Variants in RBM19 observed in about 807,000 individuals in gnomAD.
RBM19 encodes the protein RNA binding motif protein 19, also known as probable RNA-binding protein 19.
A neutral mutation model predicts 116.8 loss-of-function variants in RBM19; 94 were observed. That is an observed-to-expected ratio of 0.80 (90% CI 0.68 to 0.95). The LOEUF (loss-of-function observed/expected upper bound fraction) is 0.95. RBM19 is among the 40% of genes least tolerant of loss of function. The probability of loss-of-function intolerance (pLI) is 0.00; values close to 1 mark genes in which losing one functional copy is unlikely to be tolerated. For missense variants in RBM19, 1,161 were observed against 1,220.7 expected, an observed-to-expected ratio of 0.95 and a Z score of 0.73; for synonymous variants, 475 against 494.1, an observed-to-expected ratio of 0.96 and a Z score of 0.51.
At position 113,928,417 on chromosome 12, in the gene RBM19, T is replaced by TACACACACACACACAC. The variant is rs3066401; in HGVS notation, c.2069-1204_2069-1189dup. Among the ~76,000 whole-genome samples the TACACACACACACACAC allele has an allele frequency of 1.3e-3, 172 of 136,334 alleles. 1 individual carries two copies. Among genetic ancestry groups the TACACACACACACACAC allele is most frequent in the South Asian group, 2.2e-3 (8 of 3,718 alleles). 89.4% of individuals were successfully genotyped at this position (136,334 alleles called of 152,430 possible). ...ATTTATGAGAAAACATACATGTGCA[T>TACACACACACACACAC]ACACACACACACACACACACACACA... On this transcript the variant is annotated intron_variant, in intron 16 of 23. Transcript: ENST00000261741.
rs576641850 is a variant in RBM19, at chr12:113,880,281, C to T, written c.2559-21385G>A. On this transcript the variant is annotated intron_variant, in intron 21 of 23. Coordinates refer to ENST00000261741, the MANE Select transcript of RBM19 (RefSeq NM_016196.4). ...CCTGTCGTTTTATTTGCTCTGATAC[C>T]CCCTGAAGTGACAGATTCTGTTTGC... Among the ~76,000 whole-genome samples, 14 of 152,054 alleles carry T rather than the reference C, an allele frequency of 9.2e-5. No homozygotes were observed. The South Asian group carries it at 2.5e-3, about 27-fold the overall frequency.
intron 11 of RBM19, 39 bp downstream of exon 11, chr12:113,947,294 AG>A (rs1170468559): frequency 1.3e-6 from 2 of 1,541,426 alleles, no homozygotes; most frequent in African/African-American, 2.7e-5. Context: ...CGACCATGTG[AG>A]CCCCACAGCC....
intron 8 of RBM19, among the ~76,000 whole-genome samples, chr12:113,951,457 C>A (rs1003373121): frequency 6.6e-6 from 1 of 152,174 alleles, no homozygotes; most frequent in Non-Finnish European, 1.5e-5. Context: ...AACAGGGGCT[C>A]AGCACTGCTC....
chr12:113,933,301 C>A (rs758210801), intron 16 of RBM19, among the ~76,000 whole-genome samples: 1 of 107,740 alleles, frequency 9.3e-6, no homozygotes, highest in Admixed American at 1.2e-4. Context: ...CCTCGTACAA[C>A]GGGGGAGTCG....
At chr12:113,852,955 G>A in intron 22 of RBM19, among the ~76,000 whole-genome samples, 1 of 152,250 alleles carries the variant, frequency 6.6e-6, no homozygotes, top group East Asian at 1.9e-4. Context: ...ACTGTGCTGG[G>A]TGCGCTGGGC....
Position 113,966,314 on chromosome 12 carries a change from C to A in RBM19, c.-87G>T. 6.4e-7 allele frequency: 1 copy of A among 1,550,532 alleles called. No individual in the cohort carries two copies. Among genetic ancestry groups the A allele is most frequent in the South Asian group, 1.1e-5 (1 of 89,588 alleles). ...ACGCTACCGCCCTGGGCGCCGCCAT[C>A]TTTACCGAGCCGGAACACAGTCACG... is the stretch of plus-strand genomic sequence containing the variant. On this transcript the variant is annotated 5_prime_UTR_variant, in exon 1 of 24. Coordinates refer to ENST00000261741, the MANE Select transcript of RBM19 (RefSeq NM_016196.4).
At chr12:113,818,854 T>C (rs183739368), downstream of RBM19, among the ~76,000 whole-genome samples, 130 of 152,234 alleles carry the variant, frequency 8.5e-4, 3 homozygotes, top group African/African-American at 3.0e-3. Context: ...CCCTGTCTGT[T>C]CTCCAGGACC....
At chr12:113,900,274 T>A (rs1881604466) in intron 21 of RBM19, among the ~76,000 whole-genome samples, 4 of 152,216 alleles carry the variant, frequency 2.6e-5, no homozygotes, top group Admixed American at 6.5e-5. Flanking sequence ...TTGGGATTGC[T>A]CGACCAGTTA....
chr12:113,831,778 C>G (rs774230299), intron 23 of RBM19, among the ~76,000 whole-genome samples: 1 of 152,152 alleles, frequency 6.6e-6, no homozygotes, highest in Non-Finnish European at 1.5e-5. Flanking sequence ...GGGATATTGC[C>G]GAAGCACTTG....
At chr12:113,870,036 G>A (rs1879106157) in intron 21 of RBM19, among the ~76,000 whole-genome samples, 1 of 152,188 alleles carries the variant, frequency 6.6e-6, no homozygotes, top group South Asian at 2.1e-4. Flanking sequence ...AACTACCCCT[G>A]GGGTTGCCAT....
chr12:113,955,005 C>A, intron 7 of RBM19, 126 bp downstream of exon 7: 5 of 913,378 alleles, frequency 5.5e-6, no homozygotes, highest in Admixed American at 2.0e-5. Flanking sequence ...CTTTTTGGCC[C>A]CCAATTCCTT....
rs16943405 is a variant in RBM19 at position 113,925,564 on chromosome 12, C to T, written c.2245-807G>A. 1.3e-3 allele frequency among the ~76,000 whole-genome samples: 205 copies of T among 152,256 alleles called. 1 individual carries two copies. Among genetic ancestry groups the T allele is most frequent in the Non-Finnish European group, 2.1e-3 (141 of 68,014 alleles). Reference sequence around the variant, plus strand: ...GGGATCCAAGCCCAGGTAGACTGATCGCTACGCATGGCTCTCCACTCAAGG... The same window carrying T: ...GGGATCCAAGCCCAGGTAGACTGATTGCTACGCATGGCTCTCCACTCAAGG... On this transcript the variant is annotated intron_variant, in intron 17 of 23. Transcript: ENST00000261741.
At chr12:113,850,126 C>T (rs1207603290) in intron 22 of RBM19, among the ~76,000 whole-genome samples, 5 of 152,372 alleles carry the variant, frequency 3.3e-5, no homozygotes, top group African/African-American at 1.2e-4. Context: ...CTTAGCCCTA[C>T]CTATGCCTCC....
At chr12:113,852,512 G>A (rs1361842560) in intron 22 of RBM19, among the ~76,000 whole-genome samples, 1 of 152,190 alleles carries the variant, frequency 6.6e-6, no homozygotes, top group East Asian at 1.9e-4. Flanking sequence ...GAAAAGTGGG[G>A]ACAAAACTCC....
chr12:113,858,261 T>A (rs1245842251), intron 22 of RBM19, among the ~76,000 whole-genome samples: 1 of 152,212 alleles, frequency 6.6e-6, no homozygotes, highest in Non-Finnish European at 1.5e-5. Flanking sequence ...CTGGAGGGAT[T>A]TCGGTATGCA....
intron 18 of RBM19, among the ~76,000 whole-genome samples, chr12:113,924,210 T>C (rs1399815087): frequency 5.3e-5 from 8 of 152,202 alleles, no homozygotes; most frequent in African/African-American, 1.4e-4. Flanking sequence ...TGCATGGTTA[T>C]TGACTCAGGA....
chr12:113,945,544 C>A (rs1870936772), intron 13 of RBM19, among the ~76,000 whole-genome samples: 1 of 152,248 alleles, frequency 6.6e-6, no homozygotes, highest in Admixed American at 6.5e-5. Flanking sequence ...AGGAGTACCA[C>A]ACACTAATTC....
chr12:113,923,515 T>C (rs557179299), intron 18 of RBM19, among the ~76,000 whole-genome samples: 6 of 152,310 alleles, frequency 3.9e-5, no homozygotes, highest in Non-Finnish European at 8.8e-5. Context: ...CCTCCATGGC[T>C]CCCCAGTACT....
chr12:113,891,614 G>A (rs375554618), intron 21 of RBM19, among the ~76,000 whole-genome samples: 2 of 152,110 alleles, frequency 1.3e-5, no homozygotes, highest in Non-Finnish European at 2.9e-5. Context: ...ATTGCAGAGC[G>A]CACACCACAT....
Sources: gnomAD v4.1 joint callset for allele counts (sites outside exome capture counted in the v4.1 genomes callset) on GRCh38, gnomAD v4.1.1 for gene constraint, MANE v1.5 for transcripts, NCBI Gene and HGNC (gene_info 2026-07-23, HGNC 2026-07-21) for gene names.